The following MAPK10 variants were observed in gnomAD, a reference collection of about 807,000 sequenced individuals.
MAPK10 encodes the protein JNK3 alpha protein kinase.
Under a neutral mutation model 59.3 loss-of-function variants are expected in MAPK10, and 25 were observed. The ratio of observed to expected loss-of-function variants is 0.42; its 90% CI spans 0.31 to 0.59. The LOEUF (loss-of-function observed/expected upper bound fraction) is 0.59, where lower values mean the gene tolerates loss of function less well. MAPK10 is among the 20% of genes least tolerant of loss of function. MAPK10 has a pLI of 0.15. For missense variants in MAPK10, 351 were observed against 568.9 expected (o/e 0.62, Z 3.90); for synonymous variants, 190 against 200.5 (o/e 0.95, Z 0.44).
intron 1 of MAPK10, among the ~76,000 whole-genome samples, chr4:86,394,993 C>T (rs181656438): frequency 4.8e-4 from 73 of 152,248 alleles, no homozygotes; most frequent in Admixed American, 4.6e-3. Context: ...CGTTGCTCTC[C>T]AAAATAAAAA....
rs1739480790 is a variant in MAPK10 at position 86,374,595 on chromosome 4, C to T, written c.-121-19951G>A. On this transcript the variant is annotated intron_variant, in intron 1 of 13. Transcript: ENST00000361569. ...CCAAAAAGAAAAGGCAGAAGAAGCC[C>T]TTCAAGGATGTGGCATACACAGCTT... Among the ~76,000 whole-genome samples the T allele has an allele frequency of 2.0e-5, 3 of 152,218 alleles. No homozygotes were observed. The South Asian group carries it at 6.2e-4, about 32-fold the overall frequency.
At chr4:86,231,599 G>T (rs185543497) in intron 2 of MAPK10, among the ~76,000 whole-genome samples, 2 of 152,204 alleles carry the variant, frequency 1.3e-5, no homozygotes, top group East Asian at 3.9e-4. Context: ...GGAGGCAGAG[G>T]TTGGAGTGAG....
At chr4:86,499,522 A>C (rs1179909718) in intron 1 of MAPK10, among the ~76,000 whole-genome samples, 1 of 152,196 alleles carries the variant, frequency 6.6e-6, no homozygotes, top group African/African-American at 2.4e-5. Context: ...CACACTGGAA[A>C]TGTGTATATT....
intron 1 of MAPK10, among the ~76,000 whole-genome samples, chr4:86,587,880 G>A (rs1290444728): frequency 6.6e-6 from 1 of 152,178 alleles, no homozygotes; most frequent in East Asian, 1.9e-4. Flanking sequence ...AGCTGGGTGT[G>A]GCAATGCGTG....
At chr4:86,373,594 G>A (rs926495728) in intron 1 of MAPK10, among the ~76,000 whole-genome samples, 1 of 152,152 alleles carries the variant, frequency 6.6e-6, no homozygotes. Context: ...AGTGGGTGAA[G>A]GATATGAACA....
At chr4:86,490,629 C>A (rs1453224844) in intron 1 of MAPK10, among the ~76,000 whole-genome samples, 1 of 152,182 alleles carries the variant, frequency 6.6e-6, no homozygotes, top group Non-Finnish European at 1.5e-5. Flanking sequence ...AAAGTCCAGC[C>A]CAGCTTCTGC....
At chr4:86,049,755 T>G (rs1253401045) in intron 11 of MAPK10, among the ~76,000 whole-genome samples, 1 of 152,128 alleles carries the variant, frequency 6.6e-6, no homozygotes, top group Non-Finnish European at 1.5e-5. Flanking sequence ...TTTCTTCATC[T>G]CCATTGCCAT....
chr4:86,306,519 A>C (rs952038850), intron 2 of MAPK10, among the ~76,000 whole-genome samples: 1 of 152,244 alleles, frequency 6.6e-6, no homozygotes, highest in Non-Finnish European at 1.5e-5. Context: ...ACTTTGAATG[A>C]ATGTGTCCAT....
At chr4:86,475,539 A>T (rs1644091128) in intron 1 of MAPK10, among the ~76,000 whole-genome samples, 1 of 151,666 alleles carries the variant, frequency 6.6e-6, no homozygotes, top group Non-Finnish European at 1.5e-5. Context: ...TGGACCCAAA[A>T]CTCTGGCGCC....
chr4:86,489,892 G>A (rs1405673265), intron 1 of MAPK10, among the ~76,000 whole-genome samples: 9 of 152,076 alleles, frequency 5.9e-5, no homozygotes, highest in Admixed American at 2.6e-4. Flanking sequence ...GAACACTTAA[G>A]CTCTTCAAAG....
chr4:86,251,430 G>GT (rs1488395177), intron 2 of MAPK10, among the ~76,000 whole-genome samples: 16 of 148,358 alleles, frequency 1.1e-4, no homozygotes, highest in African/African-American at 3.5e-4. Flanking sequence ...GCGGTGTTTG[G>GT]TTTTTTGTTC....
chr4:86,426,633 A>G (rs1197804725), intron 1 of MAPK10, among the ~76,000 whole-genome samples: 2 of 152,200 alleles, frequency 1.3e-5, no homozygotes, highest in Admixed American at 1.3e-4. Context: ...CCTGAAAAAC[A>G]CATCAGGAAA....
intron 1 of MAPK10, among the ~76,000 whole-genome samples, chr4:86,370,011 A>G (rs1738512883): frequency 6.6e-6 from 1 of 152,188 alleles, no homozygotes; most frequent in African/African-American, 2.4e-5. Context: ...CAGTCACTCA[A>G]TAGATATTGA....
chr4:86,434,684 C>T (rs892478882), intron 1 of MAPK10, among the ~76,000 whole-genome samples: 7 of 152,282 alleles, frequency 4.6e-5, no homozygotes, highest in South Asian at 4.1e-4. Context: ...AAACCTCGTA[C>T]GCTGTTGATG....
rs1561522604 is a variant in MAPK10, at chr4:86,087,452, C to T, written c.802+11072G>A. 2.6e-5 allele frequency among the ~76,000 whole-genome samples: 4 copies of T among 152,058 alleles called. No individual in the cohort carries two copies. In the South Asian group the frequency reaches 8.3e-4, roughly 32 times the overall value. ...AAAAGAAGTCCTGTTTTTTAAAATC[C>T]CTCCTGATTTTTAAGAAATCTGAAG... On this transcript the variant is annotated intron_variant, in intron 9 of 13. Transcript: ENST00000641462.
At chr4:86,424,392 G>A (rs932848375) in intron 1 of MAPK10, among the ~76,000 whole-genome samples, 11 of 152,094 alleles carry the variant, frequency 7.2e-5, no homozygotes, top group East Asian at 3.9e-4. Flanking sequence ...GTTTTACCAC[G>A]TTGGCCAGGC....
At chr4:86,437,971 T>G (rs1159624983) in intron 1 of MAPK10, among the ~76,000 whole-genome samples, 1 of 152,230 alleles carries the variant, frequency 6.6e-6, no homozygotes, top group African/African-American at 2.4e-5. Flanking sequence ...AAACATGTTG[T>G]TCAAAAGTCA....
chr4:86,022,187 A>C (rs535855380), intron 13 of MAPK10, among the ~76,000 whole-genome samples: 1 of 152,214 alleles, frequency 6.6e-6, no homozygotes, highest in African/African-American at 2.4e-5. Flanking sequence ...TGTTTTCTAA[A>C]GTGGGTGCAC....
At chr4:86,548,195 C>A (rs1217762077) in intron 1 of MAPK10, among the ~76,000 whole-genome samples, 2 of 152,060 alleles carry the variant, frequency 1.3e-5, no homozygotes, top group Non-Finnish European at 2.9e-5. Context: ...ACGAACCCAC[C>A]GGGAGGAACA....
Sources: gnomAD v4.1 joint callset for allele counts (sites outside exome capture counted in the v4.1 genomes callset) on GRCh38, gnomAD v4.1.1 for gene constraint, MANE v1.5 for transcripts, NCBI Gene and HGNC (gene_info 2026-07-23, HGNC 2026-07-21) for gene names.